Variants in LRCH1 observed in about 807,000 individuals in gnomAD.
LRCH1 encodes leucine-rich repeat and calponin homology domain-containing protein 1.
A neutral mutation model predicts 94.9 loss-of-function variants in LRCH1; 23 were observed. That is an observed-to-expected ratio of 0.24 (90% CI 0.17 to 0.34). The LOEUF is 0.34. LRCH1 is among the 10% of genes least tolerant of loss of function. The pLI, the probability that LRCH1 is intolerant of heterozygous loss-of-function variation, is 1.00. For synonymous variants in LRCH1, 364 were observed against 354.9 expected (o/e 1.03, Z -0.29); for missense variants, 790 against 945.9 (o/e 0.84, Z 2.16).
At position 46,727,186 on chromosome 13, in the gene LRCH1, C is replaced by T. The variant is rs545346556; in HGVS notation, c.1870-1661C>T. On this transcript the variant is annotated intron_variant, in intron 17 of 19. Transcript: ENST00000389797. Reference sequence around the variant, plus strand: ...AATTTTGGCAAAGAAATAGAAGACACGAAGAAAAACCAAATGGAAATTGGG... The same window carrying T: ...AATTTTGGCAAAGAAATAGAAGACATGAAGAAAAACCAAATGGAAATTGGG... Among the ~76,000 whole-genome samples the T allele has an allele frequency of 9.9e-4, 151 of 151,980 alleles. 1 individual carries two copies. The highest frequency in any genetic ancestry group is 3.3e-3 in the African/African-American group (135 of 41,424).
chr13:46,699,021 A>G (rs1465268579), intron 9 of LRCH1, among the ~76,000 whole-genome samples: 7 of 152,230 alleles, frequency 4.6e-5, no homozygotes, highest in Non-Finnish European at 1.0e-4. Flanking sequence ...TGATTACTGT[A>G]GACACCTCAT....
At chr13:46,691,955 T>C (rs1450473069) in intron 7 of LRCH1, among the ~76,000 whole-genome samples, 1 of 152,204 alleles carries the variant, frequency 6.6e-6, no homozygotes, top group Non-Finnish European at 1.5e-5. Context: ...CCCAAAGTGC[T>C]GGGATTACAG....
intron 1 of LRCH1, among the ~76,000 whole-genome samples, chr13:46,590,870 A>G (rs2050491642): frequency 6.6e-6 from 1 of 152,156 alleles, no homozygotes; most frequent in Non-Finnish European, 1.5e-5. Flanking sequence ...AAGTGAGAAG[A>G]TAGGTCTGTA....
downstream of LRCH1, among the ~76,000 whole-genome samples, chr13:46,747,013 T>C (rs947782711): frequency 1.3e-5 from 2 of 152,204 alleles, no homozygotes; most frequent in Admixed American, 6.5e-5. Context: ...GGTTTCTGTT[T>C]TCCTGTGTGA....
intron 1 of LRCH1, among the ~76,000 whole-genome samples, chr13:46,616,113 A>G (rs2050804954): frequency 6.6e-6 from 1 of 152,070 alleles, no homozygotes; most frequent in Non-Finnish European, 1.5e-5. Flanking sequence ...CTGGGAAAAG[A>G]AAAATATCCT....
At chr13:46,691,979 C>G (rs1014946534) in intron 7 of LRCH1, among the ~76,000 whole-genome samples, 1 of 152,122 alleles carries the variant, frequency 6.6e-6, no homozygotes, top group Admixed American at 6.6e-5. Flanking sequence ...TGAGCCACCA[C>G]GCCTGGCTGA....
intron 11 of LRCH1, among the ~76,000 whole-genome samples, chr13:46,701,486 A>T (rs1242920067): frequency 6.6e-6 from 1 of 152,244 alleles, no homozygotes; most frequent in Non-Finnish European, 1.5e-5. Flanking sequence ...AATTCTTAGA[A>T]AACAAAAATA....
chr13:46,714,433 G>A (rs966642015), intron 15 of LRCH1, among the ~76,000 whole-genome samples: 10 of 152,142 alleles, frequency 6.6e-5, no homozygotes, highest in African/African-American at 1.7e-4. Flanking sequence ...TAACTGGAAA[G>A]CATATAGTTT....
chr13:46,667,100 C>A (rs888152794), intron 2 of LRCH1, among the ~76,000 whole-genome samples: 1 of 152,170 alleles, frequency 6.6e-6, no homozygotes, highest in Non-Finnish European at 1.5e-5. Flanking sequence ...TTCTGCTGGA[C>A]CCTCTTAAAG....
chr13:46,687,738 G>C, intron 5 of LRCH1, 114 bp from the exon 6 acceptor site: 1 of 739,484 alleles, frequency 1.4e-6, no homozygotes. Flanking sequence ...TACATTGGTA[G>C]GGTGTTACTT....
chr13:46,667,909 T>A (rs2051542071), intron 2 of LRCH1, among the ~76,000 whole-genome samples: 1 of 152,182 alleles, frequency 6.6e-6, no homozygotes, highest in Non-Finnish European at 1.5e-5. Context: ...TCTGTCTGTC[T>A]CTCCCCCTCA....
At chr13:46,640,504 A>G (rs2051145243) in intron 1 of LRCH1, among the ~76,000 whole-genome samples, 1 of 152,234 alleles carries the variant, frequency 6.6e-6, no homozygotes, top group South Asian at 2.1e-4. Context: ...AAGATAGGAC[A>G]GTGCCCATCT....
At chr13:46,723,184 C>A (rs1010312477) in intron 16 of LRCH1, 37 bp from the exon 17 acceptor site, 15 of 1,169,034 alleles carry the variant, frequency 1.3e-5, no homozygotes, top group Non-Finnish European at 1.8e-5. Context: ...TGTGACAAGG[C>A]ACTATATAAA....
At chr13:46,750,704 A>C in exon 19 of LRCH1, 1 of 1,274,148 alleles carries the variant, frequency 7.8e-7, no homozygotes, top group Non-Finnish European at 1.1e-6. Context: ...AGGATCCTGA[A>C]CTCTGCTCCA....
At chr13:46,617,453 A>G (rs1430729769) in intron 1 of LRCH1, among the ~76,000 whole-genome samples, 1 of 152,174 alleles carries the variant, frequency 6.6e-6, no homozygotes, top group African/African-American at 2.4e-5. Context: ...TTGGTGCCTG[A>G]GTATCTGAAG....
At chr13:46,670,948 G>GGGGCT (rs1418309055) in intron 3 of LRCH1, among the ~76,000 whole-genome samples, 13 of 152,178 alleles carry the variant, frequency 8.5e-5, no homozygotes, top group Non-Finnish European at 1.8e-4. Flanking sequence ...TAGATAGAAT[G>GGGGCT]GGGCTGGGCA....
In LRCH1 at chr13:46,744,425, AGGAATTC is replaced by A. The variant is rs142112569; in HGVS notation, c.*2578_*2584del. 4.2e-3 allele frequency: 4,095 copies of A among 985,366 alleles called. 103 individuals are homozygous for A. The African/African-American group carries it at 0.063, about 15-fold the overall frequency. The allele number at this position is 985,366 out of a possible 1,614,324, so 61.0% of individuals were successfully genotyped here. A position where few individuals can be genotyped will look rare whatever the true frequency, so the allele number is the denominator to read the frequency against. The stretch of plus-strand genomic sequence containing the variant: ...TGGTGGCAACTCTCCACTCAGTGTC[AGGAATTC>A]CAAAATTTGTGACACCTAATTTCTA... On this transcript the variant is annotated 3_prime_UTR_variant, in exon 20 of 20. Transcript: ENST00000389797.
chr13:46,686,885 T>C (rs947388863), intron 5 of LRCH1, among the ~76,000 whole-genome samples: 1 of 151,520 alleles, frequency 6.6e-6, no homozygotes, highest in Admixed American at 6.6e-5. Flanking sequence ...TGCTAATCAC[T>C]CCAACTCCAG....
At chr13:46,671,111 T>C (rs564542582) in intron 3 of LRCH1, among the ~76,000 whole-genome samples, 6 of 152,340 alleles carry the variant, frequency 3.9e-5, no homozygotes, top group African/African-American at 1.4e-4. Flanking sequence ...CTTCTGGGAA[T>C]GCACCTTGTT....
Sources: gnomAD v4.1 joint callset for allele counts (sites outside exome capture counted in the v4.1 genomes callset) on GRCh38, gnomAD v4.1.1 for gene constraint, MANE v1.5 for transcripts, NCBI Gene and HGNC (gene_info 2026-07-23, HGNC 2026-07-21) for gene names.